The following ACYP2 variants were observed in gnomAD, a reference collection of about 807,000 sequenced individuals.
ACYP2 encodes acylphosphatase 2.
ACYP2 carries 12 observed loss-of-function variants against 11.2 expected under a neutral mutation model. The ratio of observed to expected loss-of-function variants is 1.08; its 90% CI spans 0.69 to 1.74. The LOEUF (loss-of-function observed/expected upper bound fraction) is 1.74, where lower values mean the gene tolerates loss of function less well. Ranked by LOEUF, ACYP2 falls within the 40% of genes most tolerant of loss-of-function variation. The pLI is 0.00. For missense variants in ACYP2, 134 were observed against 101.9 expected (o/e 1.31, Z -1.35); for synonymous variants, 43 against 32.2 (o/e 1.33, Z -1.13).
intron 4 of ACYP2, among the ~76,000 whole-genome samples, chr2:54,083,738 C>T (rs939792729): frequency 6.6e-6 from 1 of 152,078 alleles, no homozygotes; most frequent in Non-Finnish European, 1.5e-5. Context: ...AGAATATGCT[C>T]TTACATCCCC....
intron 6 of ACYP2, among the ~76,000 whole-genome samples, chr2:54,267,987 T>C (rs1688113311): frequency 6.6e-6 from 1 of 152,212 alleles, no homozygotes; most frequent in African/African-American, 2.4e-5. Context: ...CAAGTAATGC[T>C]CATACTACAC....
intron 4 of ACYP2, among the ~76,000 whole-genome samples, chr2:54,073,528 A>C (rs1677174000): frequency 6.6e-6 from 1 of 152,236 alleles, no homozygotes; most frequent in Non-Finnish European, 1.5e-5. Context: ...AAAAGTAAAT[A>C]AATTGGATTT....
chr2:54,217,108 A>G (rs1213136177), intron 6 of ACYP2, among the ~76,000 whole-genome samples: 3 of 152,040 alleles, frequency 2.0e-5, no homozygotes, highest in Non-Finnish European at 4.4e-5. Flanking sequence ...TTCTTGACCC[A>G]TTGCATAGAT....
At chr2:54,140,815 A>T (rs546377186) in intron 6 of ACYP2, among the ~76,000 whole-genome samples, 4 of 152,052 alleles carry the variant, frequency 2.6e-5, no homozygotes, top group Admixed American at 6.5e-5. Context: ...ATAAAATTTT[A>T]TTGGTGATTT....
At chr2:54,289,731 C>T (rs1324963471) in intron 6 of ACYP2, among the ~76,000 whole-genome samples, 2 of 151,892 alleles carry the variant, frequency 1.3e-5, no homozygotes, top group African/African-American at 4.9e-5. Flanking sequence ...TCATGAGCCT[C>T]CCTATGAACT....
At chr2:54,170,020 T>TC (rs1200996855) in intron 6 of ACYP2, among the ~76,000 whole-genome samples, 1 of 152,232 alleles carries the variant, frequency 6.6e-6, no homozygotes, top group Non-Finnish European at 1.5e-5. Context: ...AACTAGTCTT[T>TC]CCTTCCCTCA....
chr2:54,133,171 C>T (rs2103770580), intron 4 of ACYP2, among the ~76,000 whole-genome samples: 1 of 152,356 alleles, frequency 6.6e-6, no homozygotes, highest in African/African-American at 2.4e-5. Flanking sequence ...TGGCCCTTGG[C>T]AACTGACAAT....
intron 4 of ACYP2, among the ~76,000 whole-genome samples, chr2:54,088,193 T>A (rs1430408817): frequency 1.3e-5 from 2 of 152,168 alleles, no homozygotes; most frequent in Non-Finnish European, 2.9e-5. Flanking sequence ...CAGCCTGTAT[T>A]CCAGAGAGTG....
chr2:54,181,429 C>T lies in ACYP2; in HGVS notation c.404+42681C>T, dbSNP rs75540637. 3.1e-3 allele frequency among the ~76,000 whole-genome samples: 465 copies of T among 152,228 alleles called. 21 individuals carry two copies. The East Asian group carries it at 0.085, about 28-fold the overall frequency. On this transcript the variant is annotated intron_variant, in intron 6 of 6. Transcript: ENST00000607452. ...TAAGTTTCTTAACCTTGCTGAACACCATGACAGGCTGAAAATATAACAAGA... is the reference window on the plus strand; with the variant it reads ...TAAGTTTCTTAACCTTGCTGAACACTATGACAGGCTGAAAATATAACAAGA...
At chr2:54,078,624 G>A (rs1677476336) in intron 4 of ACYP2, among the ~76,000 whole-genome samples, 1 of 147,302 alleles carries the variant, frequency 6.8e-6, no homozygotes. Flanking sequence ...TTTTGAGATG[G>A]AGTCTTACTC....
chr2:54,199,473 G>A (rs939663512), intron 6 of ACYP2, among the ~76,000 whole-genome samples: 29 of 152,196 alleles, frequency 1.9e-4, no homozygotes, highest in Non-Finnish European at 3.7e-4. Context: ...CCACTGCACA[G>A]GCTACACACC....
At chr2:54,011,068 T>A (rs568245842) in intron 2 of ACYP2, among the ~76,000 whole-genome samples, 1 of 152,278 alleles carries the variant, frequency 6.6e-6, no homozygotes, top group African/African-American at 2.4e-5. Context: ...TTAATAATCT[T>A]GGCTAGTTGT....
intron 4 of ACYP2, among the ~76,000 whole-genome samples, chr2:54,069,429 G>C (rs576378282): frequency 6.6e-6 from 1 of 151,878 alleles, no homozygotes; most frequent in Non-Finnish European, 1.5e-5. Context: ...TTGGGAGGCC[G>C]AGGCGGGTGG....
chr2:54,135,309 C>A, intron 4 of ACYP2, 144 bp from the exon 2 acceptor site: 1 of 648,894 alleles, frequency 1.5e-6, no homozygotes, highest in Non-Finnish European at 2.6e-6. Context: ...ATTGTAGGAC[C>A]ACAGTTGATG....
intron 6 of ACYP2, among the ~76,000 whole-genome samples, chr2:54,252,770 T>G (rs1456982655): frequency 2.0e-5 from 3 of 151,504 alleles, no homozygotes; most frequent in African/African-American, 7.3e-5. Context: ...CGGGCGTGGT[T>G]GCGGGCACCT....
chr2:54,286,417 G>T (rs1256913212), intron 6 of ACYP2, among the ~76,000 whole-genome samples: 1 of 151,992 alleles, frequency 6.6e-6, no homozygotes, highest in East Asian at 1.9e-4. Flanking sequence ...TCTAAAAAAT[G>T]TGAGTTGAAC....
At position 54,182,047 on chromosome 2, in the gene ACYP2, A is replaced by ATTTTTTTTTTTTTTTTTT. The variant is rs35145998; in HGVS notation, c.404+43308_404+43325dup. On this transcript the variant is annotated intron_variant, in intron 6 of 6. Coordinates refer to ENST00000607452, the MANE Select transcript of ACYP2 (RefSeq NM_001320586.2). ...AAAGAAAACAGAAAAATAGAAGATA[A>ATTTTTTTTTTTTTTTTTT]TTTTTTTTTTTTTTTTTTTTTTTTT... 1.7e-4 allele frequency among the ~76,000 whole-genome samples: 14 copies of ATTTTTTTTTTTTTTTTTT among 83,056 alleles called. 1 individual carries two copies. Among genetic ancestry groups the ATTTTTTTTTTTTTTTTTT allele is most frequent in the African/African-American group, 6.7e-4 (13 of 19,344 alleles). 54.5% of individuals were successfully genotyped at this position (83,056 alleles called of 152,430 possible). A position where few individuals can be genotyped will look rare whatever the true frequency, so the allele number is the denominator to read the frequency against.
intron 4 of ACYP2, among the ~76,000 whole-genome samples, chr2:54,058,125 A>G (rs1676254582): frequency 6.6e-6 from 1 of 152,150 alleles, no homozygotes; most frequent in Admixed American, 6.5e-5. Flanking sequence ...TTTAGTAAAT[A>G]TTGGGTCTTT....
At chr2:54,168,867 G>A (rs975545694) in intron 6 of ACYP2, among the ~76,000 whole-genome samples, 2 of 152,160 alleles carry the variant, frequency 1.3e-5, no homozygotes. Flanking sequence ...GATAGCTGAG[G>A]ATGACAAAGT....
Sources: gnomAD v4.1 joint callset for allele counts (sites outside exome capture counted in the v4.1 genomes callset) on GRCh38, gnomAD v4.1.1 for gene constraint, MANE v1.5 for transcripts, NCBI Gene and HGNC (gene_info 2026-07-23, HGNC 2026-07-21) for gene names.